SAMD8: variants seen among roughly 807,000 people sequenced by gnomAD.
SAMD8 encodes the protein sphingomyelin synthase-related protein 1.
A neutral mutation model predicts 42.0 loss-of-function variants in SAMD8; 20 were observed. That is an observed-to-expected ratio of 0.48 (90% CI 0.34 to 0.69). The LOEUF (loss-of-function observed/expected upper bound fraction) is 0.69, where lower values mean the gene tolerates loss of function less well. Ranked by LOEUF, SAMD8 falls within the 30% of genes least tolerant of loss-of-function variation. SAMD8 has a pLI of 0.01. For synonymous variants in SAMD8, 162 were observed against 173.0 expected, an observed-to-expected ratio of 0.94 and a Z score of 0.50; for missense variants, 328 against 511.6, an observed-to-expected ratio of 0.64 and a Z score of 3.46.
chr10:75,122,201 T>C (rs1564676429), intron 1 of SAMD8, among the ~76,000 whole-genome samples: 2 of 152,174 alleles, frequency 1.3e-5, no homozygotes, highest in African/African-American at 4.8e-5. Flanking sequence ...AAAGGGCCCA[T>C]TCAAGGAGTA....
At chr10:75,150,108 A>G (rs955138369) in intron 1 of SAMD8, among the ~76,000 whole-genome samples, 3 of 143,664 alleles carry the variant, frequency 2.1e-5, no homozygotes, top group Non-Finnish European at 4.5e-5. Context: ...ATATATATAT[A>G]TAGTTTTTTG....
rs895538890 is a variant in SAMD8, at chr10:75,182,007, C to T, written c.*5315C>T. 1.3e-5 allele frequency: 2 copies of T among 152,052 alleles called. No individual in the cohort carries two copies. Among genetic ancestry groups the T allele is most frequent in the African/African-American group, 2.4e-5 (1 of 41,400 alleles). The allele number at this position is 152,052 out of a possible 1,614,324, so 9.4% of individuals were successfully genotyped here. ...CATACCTTGAAGCACAGTGTTTGTA[C>T]ATAAGTAAATATCTTGATTCTAAAT... On this transcript the variant is annotated 3_prime_UTR_variant, in exon 6 of 6. Transcript: ENST00000542569.
At chr10:75,143,818 A>G (rs1330346253) in intron 1 of SAMD8, among the ~76,000 whole-genome samples, 2 of 151,786 alleles carry the variant, frequency 1.3e-5, no homozygotes, top group African/African-American at 2.4e-5. Context: ...AATTTGGAAA[A>G]TTTTTGGCCA....
chr10:75,141,816 C>G (rs1362361229), intron 1 of SAMD8, among the ~76,000 whole-genome samples: 1 of 151,986 alleles, frequency 6.6e-6, no homozygotes, highest in African/African-American at 2.4e-5. Context: ...GCTGGGATTA[C>G]AGGCGTGAGC....
rs1995569 is a variant in SAMD8, at chr10:75,168,391, G to A, written c.675-150G>A. 3.4e-6 allele frequency: 5 copies of A among 1,462,352 alleles called. No homozygotes were observed. The South Asian group carries it at 4.2e-5, about 12-fold the overall frequency. 90.6% of individuals were successfully genotyped at this position (1,462,352 alleles called of 1,614,324 possible). A position where few individuals can be genotyped will look rare whatever the true frequency, so the allele number is the denominator to read the frequency against. On this transcript the variant is annotated intron_variant, in intron 3 of 5. Coordinates refer to ENST00000542569, the MANE Select transcript of SAMD8 (RefSeq NM_001174156.2). ...ATTGCAGAGAATTCTGTTGGACAAC[G>A]ATGCTTTTGATGGTCTTTAAGATTT...
At chr10:75,119,969 G>A (rs1004358852) in intron 1 of SAMD8, among the ~76,000 whole-genome samples, 5 of 152,198 alleles carry the variant, frequency 3.3e-5, no homozygotes, top group African/African-American at 7.2e-5. Flanking sequence ...TCGGGAAGCC[G>A]AGGCAAGGGA....
chr10:75,107,133 C>T (rs745843813), upstream of SAMD8, among the ~76,000 whole-genome samples: 1 of 152,116 alleles, frequency 6.6e-6, no homozygotes, highest in African/African-American at 2.4e-5. Context: ...GTTAGGAGTT[C>T]GAGACCAGCC....
rs1841069844 is a variant in SAMD8, at chr10:75,180,815, A to G, written c.*4123A>G. 1 of 152,238 alleles carries G rather than the reference A, an allele frequency of 6.6e-6. No homozygotes were observed. The highest frequency in any genetic ancestry group is 2.4e-5 in the African/African-American group (1 of 41,462). 9.4% of individuals were successfully genotyped at this position (152,238 alleles called of 1,614,324 possible). On this transcript the variant is annotated 3_prime_UTR_variant, in exon 6 of 6. Transcript: ENST00000542569. Reference sequence around the variant, plus strand: ...TAGCTGATAAGAAACAGTCTGTTTTAGAAACATCTGTTTGGAAAGTATTAC... The same window carrying G: ...TAGCTGATAAGAAACAGTCTGTTTTGGAAACATCTGTTTGGAAAGTATTAC...
chr10:75,128,781 G>T (rs1849204876), intron 1 of SAMD8, among the ~76,000 whole-genome samples: 2 of 152,066 alleles, frequency 1.3e-5, no homozygotes, highest in African/African-American at 4.8e-5. Flanking sequence ...CTGGTGCCTT[G>T]GGGTGATTAC....
chr10:75,108,204 G>A (rs777260250), upstream of SAMD8: 14 of 1,601,364 alleles, frequency 8.7e-6, no homozygotes, highest in East Asian at 2.0e-4. Flanking sequence ...GTTGTTTGCC[G>A]TGGCCCTGGG....
At chr10:75,169,814 C>T (rs536706100) in intron 4 of SAMD8, among the ~76,000 whole-genome samples, 29 of 151,914 alleles carry the variant, frequency 1.9e-4, no homozygotes, top group African/African-American at 6.8e-4. Context: ...AAGGCTGAGG[C>T]ATGAGAGTCA....
At chr10:75,138,388 T>C (rs1045588637) in intron 1 of SAMD8, among the ~76,000 whole-genome samples, 8 of 152,214 alleles carry the variant, frequency 5.3e-5, no homozygotes, top group African/African-American at 1.7e-4. Context: ...GACAAAGTCA[T>C]TATCTCTTTT....
chr10:75,108,144 T>C (rs563750082), upstream of SAMD8: 612 of 1,613,168 alleles, frequency 3.8e-4, 7 homozygotes, highest in South Asian at 6.4e-3. Context: ...GAGGCCCTTG[T>C]GGGCGGCGTT....
chr10:75,160,329 T>A (rs2132188151), intron 2 of SAMD8, among the ~76,000 whole-genome samples: 1 of 151,630 alleles, frequency 6.6e-6, no homozygotes, highest in Admixed American at 6.6e-5. Context: ...CCCAAGTAGC[T>A]GGGAGTACAG....
intron 2 of SAMD8, 48 bp from the exon 3 acceptor site, chr10:75,164,597 A>T (rs377693964): frequency 1.6e-5 from 26 of 1,588,868 alleles, no homozygotes; most frequent in Non-Finnish European, 2.2e-5. Flanking sequence ...GGGTGGCATC[A>T]TTCACATGTA....
rs1303317708 is a variant in SAMD8, at chr10:75,181,398, T to C, written c.*4706T>C. On this transcript the variant is annotated 3_prime_UTR_variant, in exon 6 of 6. Transcript: ENST00000542569. ...AGTAACTTTGAATGACTAAAATTAG[T>C]ATGAAACTAGGTTTTGGACCCCCTT... 1 of 152,142 alleles carries C rather than the reference T, an allele frequency of 6.6e-6. No individual in the cohort carries two copies. Among genetic ancestry groups the C allele is most frequent in the Admixed American group, 6.6e-5 (1 of 15,254 alleles). 9.4% of individuals were successfully genotyped at this position (152,142 alleles called of 1,614,324 possible). A position where few individuals can be genotyped will look rare whatever the true frequency, so the allele number is the denominator to read the frequency against.
chr10:75,114,322 T>G (rs1848830231), intron 1 of SAMD8, among the ~76,000 whole-genome samples: 1 of 129,256 alleles, frequency 7.7e-6, no homozygotes, highest in Non-Finnish European at 1.6e-5. Context: ...GGCAACAGAG[T>G]GATATGTCTC....
At chr10:75,149,684 C>T (rs1214339798) in intron 1 of SAMD8, among the ~76,000 whole-genome samples, 1 of 152,112 alleles carries the variant, frequency 6.6e-6, no homozygotes. Context: ...ATACGTTTTC[C>T]ATGAACATGG....
intron 1 of SAMD8, among the ~76,000 whole-genome samples, chr10:75,130,937 A>C (rs1848115146): frequency 6.6e-6 from 1 of 152,316 alleles, no homozygotes; most frequent in South Asian, 2.1e-4. Flanking sequence ...GCATTCAACA[A>C]ATGTAGCTGC....
Sources: allele counts gnomAD v4.1 joint callset (sites outside exome capture counted in the v4.1 genomes callset), GRCh38; gene constraint gnomAD v4.1.1; transcripts MANE v1.5; gene names NCBI Gene and HGNC (gene_info 2026-07-23, HGNC 2026-07-21).